IGF1R: variants seen among roughly 807,000 people sequenced by gnomAD.
IGF1R encodes insulin-like growth factor 1 receptor.
IGF1R carries 44 observed loss-of-function variants against 144.6 expected under a neutral mutation model. That is an observed-to-expected ratio of 0.30 (90% CI 0.24 to 0.39). The LOEUF (loss-of-function observed/expected upper bound fraction) is 0.39, where lower values mean the gene tolerates loss of function less well. Ranked by LOEUF, IGF1R falls within the 10% of genes least tolerant of loss-of-function variation. The pLI is 1.00. For missense variants in IGF1R, 1,355 were observed against 1,833.7 expected (o/e 0.74, Z 4.77); for synonymous variants, 795 against 722.8 (o/e 1.10, Z -1.60).
chr15:98,796,265 G>A (rs767270740), intron 2 of IGF1R, among the ~76,000 whole-genome samples: 1 of 152,056 alleles, frequency 6.6e-6, no homozygotes, highest in Non-Finnish European at 1.5e-5. Context: ...TACAGTAAAG[G>A]CGCCTGGGGG....
At chr15:98,896,386 A>G (rs1408294892) in intron 3 of IGF1R, among the ~76,000 whole-genome samples, 1 of 152,174 alleles carries the variant, frequency 6.6e-6, no homozygotes, top group Non-Finnish European at 1.5e-5. Context: ...ATCAGAAAGC[A>G]GCTCTGTTTT....
Position 98,955,734 on chromosome 15 carries a change from A to G in IGF1R, c.3723-1327A>G, listed in dbSNP as rs891390775. ...TTCCAGGCCCAGTGGCTTCTCTTACATCAGGGGCCTCCCCTTGGAATGTTC... is the reference window on the plus strand; with the variant it reads ...TTCCAGGCCCAGTGGCTTCTCTTACGTCAGGGGCCTCCCCTTGGAATGTTC... On this transcript the variant is annotated intron_variant, in intron 20 of 20. Coordinates refer to ENST00000650285, the MANE Select transcript of IGF1R (RefSeq NM_000875.5). 2.0e-5 allele frequency among the ~76,000 whole-genome samples: 3 copies of G among 152,080 alleles called. No individual in the cohort carries two copies. In the South Asian group the frequency reaches 6.2e-4, roughly 32 times the overall value.
chr15:98,872,909 T>A (rs1421841940), intron 2 of IGF1R, among the ~76,000 whole-genome samples: 1 of 152,114 alleles, frequency 6.6e-6, no homozygotes, highest in Non-Finnish European at 1.5e-5. Context: ...CAGGCTGGCA[T>A]ATAAATGGGC....
At chr15:98,657,023 A>T (rs543500152) in intron 1 of IGF1R, among the ~76,000 whole-genome samples, 4 of 152,234 alleles carry the variant, frequency 2.6e-5, no homozygotes, top group Non-Finnish European at 5.9e-5. Context: ...TTTATAGAGC[A>T]TAACTTGAAA....
chr15:98,753,096 T>C (rs1309761830), intron 2 of IGF1R, among the ~76,000 whole-genome samples: 1 of 151,754 alleles, frequency 6.6e-6, no homozygotes, highest in East Asian at 1.9e-4. Context: ...CCACCACACC[T>C]AATTTGTTTG....
chr15:98,649,373 G>A lies in IGF1R; in HGVS notation c.-209G>A. The A allele has an allele frequency of 3.7e-6, 1 of 266,902 alleles. No homozygotes were observed. The highest frequency in any genetic ancestry group is 5.5e-5 in the Admixed American group (1 of 18,224). 16.5% of individuals were successfully genotyped at this position (266,902 alleles called of 1,614,324 possible). ...GGGCCGCTGCTGCCGGCGCTGAGGG[G>A]CCGCCCCGCGCCGCCCGCCCCGTCC... On this transcript the variant is annotated 5_prime_UTR_variant, in exon 1 of 21. Coordinates refer to ENST00000650285, the MANE Select transcript of IGF1R (RefSeq NM_000875.5).
intron 19 of IGF1R, among the ~76,000 whole-genome samples, chr15:98,944,822 A>C (rs144126987): frequency 9.8e-4 from 150 of 152,378 alleles, no homozygotes; most frequent in Non-Finnish European, 1.7e-3. Flanking sequence ...AAGGCAGGCC[A>C]GCCTCATGCT....
chr15:98,939,997 AC>A (rs1030483504), intron 18 of IGF1R, among the ~76,000 whole-genome samples: 1 of 152,178 alleles, frequency 6.6e-6, no homozygotes, highest in East Asian at 1.9e-4. Flanking sequence ...CCTTGTTGCC[AC>A]CACCCACTGT....
At chr15:98,662,047 C>G (rs1286227389) in intron 1 of IGF1R, among the ~76,000 whole-genome samples, 1 of 146,198 alleles carries the variant, frequency 6.8e-6, no homozygotes, top group Non-Finnish European at 1.5e-5. Context: ...ACTGCAACCT[C>G]TGCCTTACTG....
chr15:98,658,669 A>G (rs1285729419), intron 1 of IGF1R, among the ~76,000 whole-genome samples: 1 of 152,182 alleles, frequency 6.6e-6, no homozygotes, highest in Non-Finnish European at 1.5e-5. Flanking sequence ...CCATCTTTAC[A>G]TTTCCAAGTC....
intron 2 of IGF1R, among the ~76,000 whole-genome samples, chr15:98,827,151 A>G (rs987630638): frequency 5.3e-5 from 8 of 152,198 alleles, no homozygotes; most frequent in Non-Finnish European, 1.2e-4. Context: ...ACTCCGAATC[A>G]GAGAATGAAT....
chr15:98,895,222 CCACACACACACACACACA>C (rs10704966), intron 3 of IGF1R, among the ~76,000 whole-genome samples: 2,259 of 143,390 alleles, frequency 0.016, 23 homozygotes, highest in South Asian at 0.025. Flanking sequence ...TGACACAGCA[CCACACACACACACACACA>C]CACACACACA....
intron 2 of IGF1R, among the ~76,000 whole-genome samples, chr15:98,834,560 A>G (rs529724062): frequency 2.0e-5 from 3 of 152,362 alleles, no homozygotes; most frequent in African/African-American, 7.2e-5. Flanking sequence ...GTTGGGACAA[A>G]TCAAGCTAGA....
rs1349582741 is a variant in IGF1R at position 98,959,631 on chromosome 15, GGTCTT to G, written c.*2197_*2201del. The G allele has an allele frequency of 4.3e-5, 10 of 233,486 alleles. No individual in the cohort carries two copies. Among genetic ancestry groups the G allele is most frequent in the East Asian group, 1.8e-4 (3 of 16,580 alleles). The allele number at this position is 233,486 out of a possible 1,614,324, so 14.5% of individuals were successfully genotyped here. A position where few individuals can be genotyped will look rare whatever the true frequency, so the allele number is the denominator to read the frequency against. On this transcript the variant is annotated 3_prime_UTR_variant, in exon 21 of 21. Transcript: ENST00000650285. ...GGAATCCAGGTCCTTGGGGCCCAGG[GGTCTT>G]GTCTTGTTTCATTTTTAGCACTTCT...
chr15:98,835,092 C>G (rs890925409), intron 2 of IGF1R, among the ~76,000 whole-genome samples: 5 of 147,566 alleles, frequency 3.4e-5, no homozygotes, highest in African/African-American at 1.0e-4. Context: ...CACACACACA[C>G]ACACACACAC....
intron 10 of IGF1R, among the ~76,000 whole-genome samples, chr15:98,920,243 T>C (rs989316685): frequency 6.6e-6 from 1 of 152,218 alleles, no homozygotes; most frequent in Non-Finnish European, 1.5e-5. Flanking sequence ...AAAAATGATG[T>C]ATGGGCCATT....
intron 18 of IGF1R, among the ~76,000 whole-genome samples, chr15:98,941,316 TGGG>T (rs1278108385): frequency 6.6e-6 from 1 of 152,182 alleles, no homozygotes; most frequent in Non-Finnish European, 1.5e-5. Flanking sequence ...TCCGGGCACA[TGGG>T]GGGAACTCAG....
rs564505164 is a variant in IGF1R, at chr15:98,892,366, C to A, written c.953+729C>A. 2.3e-4 allele frequency among the ~76,000 whole-genome samples: 35 copies of A among 152,000 alleles called. No homozygotes were observed. The East Asian group carries it at 5.1e-3, about 22-fold the overall frequency. ...CAGAGTTTGAGACCAGCCTGGCCAA[C>A]GTGATGAAACCCTGTCTCTACTAAA... On this transcript the variant is annotated intron_variant, in intron 3 of 20. Transcript: ENST00000650285.
chr15:98,788,601 T>C (rs1436000113), intron 2 of IGF1R, among the ~76,000 whole-genome samples: 1 of 152,234 alleles, frequency 6.6e-6, no homozygotes, highest in Non-Finnish European at 1.5e-5. Flanking sequence ...TGTAAATAAC[T>C]TCACAGTTTG....
Sources: gnomAD v4.1 joint callset for allele counts (sites outside exome capture counted in the v4.1 genomes callset) on GRCh38, gnomAD v4.1.1 for gene constraint, MANE v1.5 for transcripts, NCBI Gene and HGNC (gene_info 2026-07-23, HGNC 2026-07-21) for gene names.